The following TSPAN5 variants were observed in gnomAD, a reference collection of about 807,000 sequenced individuals.
TSPAN5 encodes the protein tetraspanin-5.
A neutral mutation model predicts 37.1 loss-of-function variants in TSPAN5; 10 were observed. That is an observed-to-expected ratio of 0.27 (90% CI 0.17 to 0.46). The LOEUF (loss-of-function observed/expected upper bound fraction) is 0.46, where lower values mean the gene tolerates loss of function less well. TSPAN5 is among the 20% of genes least tolerant of loss of function. TSPAN5 has a pLI of 1.00. For missense variants in TSPAN5, 195 were observed against 326.6 expected, an observed-to-expected ratio of 0.60 and a Z score of 3.11; for synonymous variants, 110 against 118.9, an observed-to-expected ratio of 0.93 and a Z score of 0.48.
chr4:98,616,111 C>T (rs1304343747), intron 1 of TSPAN5, among the ~76,000 whole-genome samples: 3 of 151,998 alleles, frequency 2.0e-5, no homozygotes, highest in Admixed American at 1.3e-4. Flanking sequence ...TGTCCTTTTC[C>T]CTCACTATGG....
At chr4:98,578,188 AC>A (rs1213154063) in intron 1 of TSPAN5, among the ~76,000 whole-genome samples, 1 of 152,072 alleles carries the variant, frequency 6.6e-6, no homozygotes, top group Non-Finnish European at 1.5e-5. Flanking sequence ...GTCTCACAGA[AC>A]CTCCCCTTGA....
At chr4:98,523,030 G>T (rs1560522571) in intron 1 of TSPAN5, among the ~76,000 whole-genome samples, 1 of 152,138 alleles carries the variant, frequency 6.6e-6, no homozygotes, top group Non-Finnish European at 1.5e-5. Flanking sequence ...AAGGAAAATG[G>T]GTTTTGACAA....
At chr4:98,612,044 G>GA (rs1756208514) in intron 1 of TSPAN5, among the ~76,000 whole-genome samples, 1 of 152,152 alleles carries the variant, frequency 6.6e-6, no homozygotes, top group African/African-American at 2.4e-5. Flanking sequence ...TAGAACTAAT[G>GA]TTTCCTAGGA....
At position 98,590,442 on chromosome 4, in the gene TSPAN5, T is replaced by G. The variant is rs536637641; in HGVS notation, c.81+67704A>C. ...AAGAGATGAATTGGCCAGGCGTGGT[T>G]GCTCACTCCTGTAATCCCAGCACTT... On this transcript the variant is annotated intron_variant, in intron 1 of 7. Coordinates refer to ENST00000305798, the MANE Select transcript of TSPAN5 (RefSeq NM_005723.4). Among the ~76,000 whole-genome samples, 4 of 152,224 alleles carry G rather than the reference T, an allele frequency of 2.6e-5. No individual in the cohort carries two copies. In the South Asian group the frequency reaches 8.3e-4, roughly 32 times the overall value.
chr4:98,503,255 T>C (rs763097752), intron 2 of TSPAN5, among the ~76,000 whole-genome samples: 4 of 151,934 alleles, frequency 2.6e-5, no homozygotes, highest in Non-Finnish European at 5.9e-5. Context: ...GATCCCAAGC[T>C]AGATTGATGA....
At chr4:98,612,985 T>G (rs1306944312) in intron 1 of TSPAN5, among the ~76,000 whole-genome samples, 2 of 152,218 alleles carry the variant, frequency 1.3e-5, no homozygotes, top group East Asian at 3.8e-4. Flanking sequence ...AATTATGGTT[T>G]TTTCCCCCTG....
intron 1 of TSPAN5, among the ~76,000 whole-genome samples, chr4:98,524,291 C>T (rs1280281111): frequency 6.6e-6 from 1 of 152,160 alleles, no homozygotes; most frequent in African/African-American, 2.4e-5. Context: ...CAGAGAGGGT[C>T]GCCATGGGAA....
chr4:98,610,702 G>A (rs1411533931), intron 1 of TSPAN5, among the ~76,000 whole-genome samples: 4 of 152,112 alleles, frequency 2.6e-5, no homozygotes, highest in Non-Finnish European at 5.9e-5. Flanking sequence ...GGCTACAGTA[G>A]GAATATAAAA....
At chr4:98,554,729 A>T (rs1177375075) in intron 1 of TSPAN5, among the ~76,000 whole-genome samples, 1 of 152,232 alleles carries the variant, frequency 6.6e-6, no homozygotes, top group Non-Finnish European at 1.5e-5. Context: ...CTGTTAATAC[A>T]TGCATAAAGT....
intron 1 of TSPAN5, among the ~76,000 whole-genome samples, chr4:98,629,837 T>A (rs561929088): frequency 3.9e-5 from 6 of 152,298 alleles, no homozygotes; most frequent in Admixed American, 3.9e-4. Context: ...AATGGAAGAA[T>A]AAATGAATGA....
rs1757344924 is a variant in TSPAN5, at chr4:98,658,603, C to CGCTCGCTT, written c.-385_-378dup. The CGCTCGCTT allele has an allele frequency of 1.3e-5, 2 of 153,616 alleles. No individual in the cohort carries two copies. The highest frequency in any genetic ancestry group is 2.4e-5 in the African/African-American group (1 of 41,460). The allele number at this position is 153,616 out of a possible 1,614,324, so 9.5% of individuals were successfully genotyped here. ...CCGCGGCAGATGCTGGTGGAGACGC[C>CGCTCGCTT]GCTCGCTTGCTCGCCCGCCCGTTCG... On this transcript the variant is annotated 5_prime_UTR_variant, in exon 1 of 8. Coordinates refer to ENST00000305798, the MANE Select transcript of TSPAN5 (RefSeq NM_005723.4).
chr4:98,534,032 T>A (rs1754175033), intron 1 of TSPAN5, among the ~76,000 whole-genome samples: 1 of 150,366 alleles, frequency 6.7e-6, no homozygotes, highest in African/African-American at 2.4e-5. Flanking sequence ...TCTGCTCTGA[T>A]CTTAGTTATT....
intron 1 of TSPAN5, among the ~76,000 whole-genome samples, chr4:98,520,283 TG>T (rs1229413701): frequency 4.6e-5 from 7 of 152,300 alleles, no homozygotes; most frequent in Admixed American, 4.6e-4. Flanking sequence ...CAGTGGAGAC[TG>T]TTTGTGTTCC....
intron 1 of TSPAN5, among the ~76,000 whole-genome samples, chr4:98,639,906 A>G (rs1342334645): frequency 6.6e-6 from 1 of 152,244 alleles, no homozygotes; most frequent in Non-Finnish European, 1.5e-5. Flanking sequence ...GTTAAAGGAA[A>G]AGAAAGCACT....
At chr4:98,598,296 C>T (rs1469296577) in intron 1 of TSPAN5, among the ~76,000 whole-genome samples, 68 of 141,656 alleles carry the variant, frequency 4.8e-4, no homozygotes, top group African/African-American at 1.7e-3. Flanking sequence ...TGCTTCGGCT[C>T]GCGCACGGTG....
At chr4:98,516,596 G>A (rs528346156) in intron 1 of TSPAN5, among the ~76,000 whole-genome samples, 13 of 152,294 alleles carry the variant, frequency 8.5e-5, no homozygotes, top group South Asian at 4.1e-4. Flanking sequence ...GTTTGAGCAC[G>A]GTTTGTCTGC....
chr4:98,496,845 T>C (rs1314443664), intron 2 of TSPAN5: 1 of 152,200 alleles, frequency 6.6e-6, no homozygotes, highest in Admixed American at 6.6e-5. Context: ...AGCCTAGGTG[T>C]AAAGTTTAAG....
At chr4:98,635,987 T>C (rs1294763461) in intron 1 of TSPAN5, among the ~76,000 whole-genome samples, 1 of 151,996 alleles carries the variant, frequency 6.6e-6, no homozygotes, top group South Asian at 2.1e-4. Context: ...TTTGCAAGAG[T>C]AACAATAATA....
At position 98,614,081 on chromosome 4, in the gene TSPAN5, T is replaced by G. The variant is rs1756263441; in HGVS notation, c.81+44065A>C. The stretch of plus-strand genomic sequence containing the variant: ...CAACTGCCTAAACAATGATTTCATT[T>G]TCAAGAAAGTAGTTTAGCAGTGGCT... On this transcript the variant is annotated intron_variant, in intron 1 of 7. Transcript: ENST00000305798. Among the ~76,000 whole-genome samples, 7 of 152,362 alleles carry G rather than the reference T, an allele frequency of 4.6e-5. 1 individual carries two copies. In the South Asian group the frequency reaches 1.5e-3, roughly 32 times the overall value.
Sources: gnomAD v4.1 joint callset for allele counts (sites outside exome capture counted in the v4.1 genomes callset) on GRCh38, gnomAD v4.1.1 for gene constraint, MANE v1.5 for transcripts, NCBI Gene and HGNC (gene_info 2026-07-23, HGNC 2026-07-21) for gene names.